Variants in CORO2A observed in about 807,000 individuals in gnomAD.
The protein encoded by CORO2A is coronin-2A.
In CORO2A, 47 loss-of-function variants were observed where a neutral mutation model predicts 62.4. The ratio of observed to expected loss-of-function variants is 0.75; its 90% CI spans 0.60 to 0.96. CORO2A has a LOEUF of 0.96. Among genes scored for constraint, CORO2A ranks in the 40% least tolerant of loss-of-function variants. The probability of loss-of-function intolerance (pLI) is 0.00; values close to 1 mark genes in which losing one functional copy is unlikely to be tolerated. For synonymous variants in CORO2A, 273 were observed against 268.9 expected, an observed-to-expected ratio of 1.02 and a Z score of -0.15; for missense variants, 610 against 684.1, an observed-to-expected ratio of 0.89 and a Z score of 1.21.
At chr9:98,168,904 T>C (rs923491355) in intron 1 of CORO2A, among the ~76,000 whole-genome samples, 5 of 152,146 alleles carry the variant, frequency 3.3e-5, no homozygotes, top group African/African-American at 9.7e-5. Context: ...CAATTCCTAC[T>C]GATCAAAAAG....
At chr9:98,138,258 T>A (rs1267852370) in intron 2 of CORO2A, among the ~76,000 whole-genome samples, 2 of 151,666 alleles carry the variant, frequency 1.3e-5, no homozygotes, top group African/African-American at 4.8e-5. Flanking sequence ...CTACTAAAAA[T>A]ACAAAAATTA....
intron 1 of CORO2A, among the ~76,000 whole-genome samples, chr9:98,190,735 A>G (rs1421000585): frequency 1.3e-5 from 2 of 152,230 alleles, no homozygotes; most frequent in African/African-American, 4.8e-5. Context: ...AAAGGCTTGA[A>G]TTAGGCAAGC....
intron 3 of CORO2A, among the ~76,000 whole-genome samples, chr9:98,137,046 A>G (rs1827497035): frequency 1.3e-5 from 2 of 152,166 alleles, no homozygotes; most frequent in Non-Finnish European, 2.9e-5. Flanking sequence ...TACAAAATGA[A>G]TTGTAAATAA....
intron 7 of CORO2A, 67 bp downstream of exon 7, chr9:98,130,888 C>A: frequency 7.5e-7 from 1 of 1,331,454 alleles, no homozygotes; most frequent in Non-Finnish European, 1.1e-6. Flanking sequence ...TTCCCAATGG[C>A]CCCAGGCTGC....
Position 98,157,486 on chromosome 9 carries a change from C to A in CORO2A, c.175G>T (p.Ala59Ser), listed in dbSNP as rs755176659. Residue 59 changes from alanine (A) to serine (S), a missense_variant, in exon 2 of 12, where the codon GCC (alanine) becomes TCC (serine). Transcript: ENST00000375077. ...TGGTGCAGGGGGATGACGAGGAAGGCCCCTCCACCAGCACACTCAGTCACA... is the reference window on the plus strand; with the variant it reads ...TGGTGCAGGGGGATGACGAGGAAGGACCCTCCACCAGCACACTCAGTCACA... ...AVVTECAGGGAFLVIPLHQTG... is the reference protein window; with the variant it reads ...AVVTECAGGGSFLVIPLHQTG... 1.3e-5 allele frequency: 21 copies of A among 1,614,072 alleles called. No homozygotes were observed. Among genetic ancestry groups the A allele is most frequent in the Non-Finnish European group, 1.8e-5 (21 of 1,180,042 alleles).
In CORO2A at chr9:98,153,688, A is replaced by ACACACT. The variant is rs746396757; in HGVS notation, c.201+3766_201+3771dup. Among the ~76,000 whole-genome samples the ACACACT allele has an allele frequency of 2.4e-3, 353 of 149,460 alleles. 3 individuals are homozygous for ACACACT. Among genetic ancestry groups the ACACACT allele is most frequent in the Non-Finnish European group, 1.3e-3 (90 of 67,638 alleles). Reference sequence around the variant, plus strand: ...CACACACACACACACACACACACACACACACTCACACACACACCCCGAGAG... The same window carrying ACACACT: ...CACACACACACACACACACACACACACACACTCACACTCACACACACACCCCGAGAG... On this transcript the variant is annotated intron_variant, in intron 2 of 11. Transcript: ENST00000375077.
chr9:98,129,672 C>T, intron 8 of CORO2A, 122 bp downstream of exon 8: 1 of 740,246 alleles, frequency 1.4e-6, no homozygotes, highest in Non-Finnish European at 2.4e-6. Flanking sequence ...TGCTGTCTCT[C>T]CTCCCATCTG....
At position 98,124,728 on chromosome 9, in the gene CORO2A, G is replaced by A. The variant is rs764329316; in HGVS notation, c.*46C>T. ...GTGGTTTGGTTCTAAACCTCCCCAT[G>A]GAGCCGAGTGGTGTCCCTGAGGGTG... On this transcript the variant is annotated 3_prime_UTR_variant, in exon 12 of 12. Coordinates refer to ENST00000375077, the MANE Select transcript of CORO2A (RefSeq NM_052820.4). 16 of 1,535,496 alleles carry A rather than the reference G, an allele frequency of 1.0e-5. No homozygotes were observed. In the South Asian group the frequency reaches 1.9e-4, roughly 18 times the overall value.
At chr9:98,173,056 G>A (rs533231561) in intron 1 of CORO2A, among the ~76,000 whole-genome samples, 2 of 152,348 alleles carry the variant, frequency 1.3e-5, no homozygotes, top group South Asian at 4.1e-4. Flanking sequence ...TTGTAACCCA[G>A]CACTTTAGGA....
In CORO2A at chr9:98,126,493, G is replaced by C. The variant is rs201721099; in HGVS notation, c.1446+56C>G. 23 of 1,577,360 alleles carry C rather than the reference G, an allele frequency of 1.5e-5. No homozygotes were observed. In the African/African-American group the frequency reaches 1.7e-4, roughly 12 times the overall value. On this transcript the variant is annotated intron_variant, in intron 11 of 11. Coordinates refer to ENST00000375077, the MANE Select transcript of CORO2A (RefSeq NM_052820.4). ...TCTCCCTTCTTCTCAGCCTGGATCT[G>C]TTCCCCTCCACCCCAGCTGCCCCAT...
chr9:98,190,907 G>A (rs1249108285), intron 1 of CORO2A, among the ~76,000 whole-genome samples: 1 of 152,230 alleles, frequency 6.6e-6, no homozygotes, highest in Non-Finnish European at 1.5e-5. Flanking sequence ...CCAGTCCTGT[G>A]CAGCTCCACC....
At chr9:98,145,097 G>A (rs1020356096) in intron 2 of CORO2A, among the ~76,000 whole-genome samples, 5 of 152,112 alleles carry the variant, frequency 3.3e-5, no homozygotes, top group Admixed American at 2.0e-4. Context: ...CTCTCCTTAT[G>A]AGCACCCAGA....
intron 3 of CORO2A, among the ~76,000 whole-genome samples, chr9:98,137,156 CCA>C (rs1470123698): frequency 5.3e-5 from 8 of 152,198 alleles, no homozygotes; most frequent in African/African-American, 1.9e-4. Flanking sequence ...GTTTTAGTGT[CCA>C]CATTCATCCA....
Position 98,126,757 on chromosome 9 carries a change from C to G in CORO2A, c.1238G>C (p.Arg413Thr). 6.2e-7 allele frequency: 1 copy of G among 1,614,204 alleles called. No homozygotes were observed. Among genetic ancestry groups the G allele is most frequent in the Non-Finnish European group, 8.5e-7 (1 of 1,180,044 alleles). The change falls in exon 11 of 12, where the codon AGA (arginine) becomes ACA (threonine). Residue 413 changes from arginine (R) to threonine (T), a missense_variant. By Grantham distance (71) the Arg-to-Thr change is moderately conservative. Coordinates refer to ENST00000375077, the MANE Select transcript of CORO2A (RefSeq NM_052820.4). ...TGGGGCCATGGAATTGAAGATAGGTCTCTCTGCAGGCAGTGGGTGGGGTCT... is the reference window on the plus strand; with the variant it reads ...TGGGGCCATGGAATTGAAGATAGGTGTCTCTGCAGGCAGTGGGTGGGGTCT... ...LLRPHPLPAE[R>T]PIFNSMAPAS... is the part of the protein sequence containing the mutation.
intron 1 of CORO2A, among the ~76,000 whole-genome samples, chr9:98,181,910 AGAC>A (rs1167431657): frequency 3.9e-5 from 6 of 152,214 alleles, no homozygotes; most frequent in African/African-American, 1.4e-4. Flanking sequence ...GTGTGACCTC[AGAC>A]AAGTCCTATG....
Position 98,137,695 on chromosome 9 carries a change from G to T in CORO2A, c.202-7C>A. 1 of 1,609,920 alleles carries T rather than the reference G, an allele frequency of 6.2e-7. No homozygotes were observed. The highest frequency in any genetic ancestry group is 8.5e-7 in the Non-Finnish European group (1 of 1,176,072). ...GGGGGTCCAACTTCCCTGTCTGCAA[G>T]ACAGTGCCCAGGAGGGTTGGGGAGG... On this transcript the variant is annotated splice_polypyrimidine_tract_variant and splice_region_variant and intron_variant, in intron 2 of 11. Transcript: ENST00000375077.
chr9:98,146,437 C>T (rs565992725), intron 2 of CORO2A, among the ~76,000 whole-genome samples: 3 of 152,332 alleles, frequency 2.0e-5, no homozygotes, highest in Admixed American at 1.3e-4. Context: ...AGTGTCACTC[C>T]CTTTGGGACA....
intron 1 of CORO2A, among the ~76,000 whole-genome samples, chr9:98,167,130 A>G (rs1336594608): frequency 4.6e-5 from 7 of 151,990 alleles, no homozygotes; most frequent in African/African-American, 1.2e-4. Context: ...GAAAGAAAAG[A>G]AAAAGGAAGA....
chr9:98,128,793 C>T, intron 8 of CORO2A, 74 bp from the exon 9 acceptor site: 3 of 1,190,796 alleles, frequency 2.5e-6, no homozygotes, highest in Non-Finnish European at 2.5e-6. Flanking sequence ...AGCCAGGCTG[C>T]ACACCTGGAC....
Sources: allele counts gnomAD v4.1 joint callset (sites outside exome capture counted in the v4.1 genomes callset), GRCh38; gene constraint gnomAD v4.1.1; transcripts MANE v1.5; gene names NCBI Gene and HGNC (gene_info 2026-07-23, HGNC 2026-07-21).